The following LRP1B variants were observed in gnomAD, a reference collection of about 807,000 sequenced individuals.
LRP1B encodes the protein low-density lipoprotein receptor-related protein 1B.
A neutral mutation model predicts 556.6 loss-of-function variants in LRP1B; 217 were observed. The observed-to-expected ratio is 0.39, with a 90% CI of 0.35 to 0.44. The LOEUF (loss-of-function observed/expected upper bound fraction) is 0.44. Ranked by LOEUF, LRP1B falls within the 20% of genes least tolerant of loss-of-function variation. The probability of loss-of-function intolerance (pLI) is 1.00; values close to 1 mark genes in which losing one functional copy is unlikely to be tolerated. For synonymous variants in LRP1B, 2,047 were observed against 1,865.8 expected (o/e 1.10, Z -2.50); for missense variants, 5,053 against 5,620.8 (o/e 0.90, Z 3.23).
intron 62 of LRP1B, among the ~76,000 whole-genome samples, chr2:140,456,033 T>G (rs1468763509): frequency 6.6e-6 from 1 of 152,138 alleles, no homozygotes. Flanking sequence ...ATCACATGAT[T>G]TATTTTAATA....
rs1001924516 is a variant in LRP1B, at chr2:141,997,514, G to T, written c.82+133134C>A. Among the ~76,000 whole-genome samples the T allele has an allele frequency of 4.1e-5, 6 of 147,828 alleles. No homozygotes were observed. In the Admixed American group the frequency reaches 4.1e-4, roughly 10 times the overall value. On this transcript the variant is annotated intron_variant, in intron 1 of 90. Transcript: ENST00000389484. Reference sequence around the variant, plus strand: ...TTTTATTTTCTTGACACAGGGTATTGCTCTGTTGCCCAGACTGGAGTGTGG... The same window carrying T: ...TTTTATTTTCTTGACACAGGGTATTTCTCTGTTGCCCAGACTGGAGTGTGG...
intron 2 of LRP1B, among the ~76,000 whole-genome samples, chr2:141,596,320 CAA>C (rs1687516834): frequency 6.6e-6 from 1 of 151,634 alleles, no homozygotes; most frequent in Non-Finnish European, 1.5e-5. Flanking sequence ...AATTACTTGA[CAA>C]AAAAATCAGA....
chr2:141,507,398 A>G, intron 2 of LRP1B, among the ~76,000 whole-genome samples: 1 of 97,862 alleles, frequency 1.0e-5, no homozygotes, highest in East Asian at 3.9e-4. Context: ...TGCAGCCAAT[A>G]GTTTTAAAAA....
At chr2:141,151,513 CT>C (rs1408451295) in intron 7 of LRP1B, among the ~76,000 whole-genome samples, 1 of 152,060 alleles carries the variant, frequency 6.6e-6, no homozygotes. Context: ...ATTTAAATGT[CT>C]TGTTCATAGA....
chr2:141,414,504 A>T (rs1312701427), intron 3 of LRP1B, among the ~76,000 whole-genome samples: 1 of 152,178 alleles, frequency 6.6e-6, no homozygotes, highest in African/African-American at 2.4e-5. Flanking sequence ...CTACAGTGAA[A>T]GACATTGCAA....
At chr2:141,990,805 T>C (rs1332897378) in intron 1 of LRP1B, among the ~76,000 whole-genome samples, 1 of 152,066 alleles carries the variant, frequency 6.6e-6, no homozygotes, top group East Asian at 1.9e-4. Flanking sequence ...CTGACTGTCA[T>C]TCTGTTAGAC....
intron 7 of LRP1B, among the ~76,000 whole-genome samples, chr2:141,096,810 T>C (rs1446477882): frequency 6.6e-6 from 1 of 152,236 alleles, no homozygotes; most frequent in Non-Finnish European, 1.5e-5. Flanking sequence ...GATCAATATG[T>C]ACTTTGTCTT....
chr2:141,338,357 C>T (rs1208681038), intron 3 of LRP1B, among the ~76,000 whole-genome samples: 1 of 152,074 alleles, frequency 6.6e-6, no homozygotes, highest in Non-Finnish European at 1.5e-5. Flanking sequence ...CTCAGGAGTA[C>T]CCTTTCCCGC....
chr2:141,955,701 G>T (rs944200938), intron 1 of LRP1B, among the ~76,000 whole-genome samples: 2 of 152,006 alleles, frequency 1.3e-5, no homozygotes, highest in Admixed American at 1.3e-4. Context: ...AGCTCACATC[G>T]CTGTTTTCCC....
chr2:141,472,370 T>C (rs1222869031), intron 3 of LRP1B, among the ~76,000 whole-genome samples: 1 of 152,052 alleles, frequency 6.6e-6, no homozygotes, highest in Non-Finnish European at 1.5e-5. Flanking sequence ...TGAAATCCCG[T>C]CTGTACTAAA....
chr2:141,909,287 G>A (rs908247355), intron 1 of LRP1B, among the ~76,000 whole-genome samples: 1 of 151,988 alleles, frequency 6.6e-6, no homozygotes, highest in African/African-American at 2.4e-5. Context: ...CACAATACAG[G>A]TAACTCTTAT....
intron 86 of LRP1B, among the ~76,000 whole-genome samples, chr2:140,250,211 C>G (rs552616992): frequency 6.6e-6 from 1 of 151,790 alleles, no homozygotes; most frequent in African/African-American, 2.4e-5. Context: ...AAATTGCAGA[C>G]GTTTCCCACT....
intron 1 of LRP1B, among the ~76,000 whole-genome samples, chr2:141,899,770 C>T (rs560789763): frequency 6.6e-6 from 1 of 152,102 alleles, no homozygotes; most frequent in Admixed American, 6.6e-5. Flanking sequence ...AAAATAATAT[C>T]AAAATGTGAC....
At chr2:140,998,162 A>C (rs12624219) in intron 15 of LRP1B, among the ~76,000 whole-genome samples, 16,512 of 152,140 alleles carry the variant, frequency 0.11, 987 homozygotes, top group East Asian at 0.2. Context: ...TAAAGATCAC[A>C]GAGTACCATT....
Position 142,045,920 on chromosome 2 carries a change from T to C in LRP1B, c.82+84728A>G, listed in dbSNP as rs1269306854. ...ATGTTGGCATTCATTATGTGAATGCTAATAGAATATGCTTCTGCTTTGAAA... is the reference window on the plus strand; with the variant it reads ...ATGTTGGCATTCATTATGTGAATGCCAATAGAATATGCTTCTGCTTTGAAA... On this transcript the variant is annotated intron_variant, in intron 1 of 90. Transcript: ENST00000389484. 2.0e-5 allele frequency among the ~76,000 whole-genome samples: 3 copies of C among 151,934 alleles called. No homozygotes were observed. In the East Asian group the frequency reaches 5.8e-4, roughly 29 times the overall value.
At chr2:141,206,301 G>T (rs1163985367) in intron 6 of LRP1B, among the ~76,000 whole-genome samples, 1 of 152,068 alleles carries the variant, frequency 6.6e-6, no homozygotes, top group Non-Finnish European at 1.5e-5. Flanking sequence ...AGAACGAATT[G>T]CCGGGCGCGG....
chr2:140,526,027 C>G (rs2104968473), intron 48 of LRP1B, 34 bp from the exon 49 acceptor site: 1 of 1,605,222 alleles, frequency 6.2e-7, no homozygotes, highest in South Asian at 1.1e-5. Flanking sequence ...GAAAAAGTAC[C>G]TCATTTTCAA....
chr2:140,691,488 CAAA>C (rs35775292), intron 41 of LRP1B, among the ~76,000 whole-genome samples: 5 of 92,730 alleles, frequency 5.4e-5, no homozygotes, highest in Admixed American at 1.1e-4. Flanking sequence ...AACTCCACCT[CAAA>C]AAAAAAAAAA....
intron 1 of LRP1B, among the ~76,000 whole-genome samples, chr2:141,915,183 G>C (rs924924180): frequency 6.6e-6 from 1 of 152,088 alleles, no homozygotes; most frequent in Non-Finnish European, 1.5e-5. Flanking sequence ...ACAGAACCTG[G>C]AAATAAAGCA....
Sources: allele counts gnomAD v4.1 joint callset (sites outside exome capture counted in the v4.1 genomes callset), GRCh38; gene constraint gnomAD v4.1.1; transcripts MANE v1.5; gene names NCBI Gene and HGNC (gene_info 2026-07-23, HGNC 2026-07-21).